The following HK1 variants were observed in gnomAD, a reference collection of about 807,000 sequenced individuals.
HK1 encodes hexokinase-1.
Under a neutral mutation model 91.6 loss-of-function variants are expected in HK1, and 28 were observed. That is an observed-to-expected ratio of 0.31 (90% CI 0.23 to 0.42). The LOEUF is 0.42. Among genes scored for constraint, HK1 ranks in the 10% least tolerant of loss-of-function variants. The pLI, the probability that HK1 is intolerant of heterozygous loss-of-function variation, is 1.00. For synonymous variants in HK1, 430 were observed against 468.1 expected, an observed-to-expected ratio of 0.92 and a Z score of 1.05; for missense variants, 770 against 1,219.8, an observed-to-expected ratio of 0.63 and a Z score of 5.49.
At chr10:69,325,829 C>G (rs1335460696) in intron 1 of HK1, among the ~76,000 whole-genome samples, 1 of 150,038 alleles carries the variant, frequency 6.7e-6, no homozygotes, top group Non-Finnish European at 1.5e-5. Context: ...CAGCTACTGC[C>G]TCTGGACTGC....
chr10:69,312,321 C>T (rs1353000346), upstream of HK1, among the ~76,000 whole-genome samples: 1 of 152,220 alleles, frequency 6.6e-6, no homozygotes, highest in Non-Finnish European at 1.5e-5. Flanking sequence ...ACTGAAATCT[C>T]TGCCTCCCAG....
chr10:69,309,732 C>T (rs960788805), intron 5 of HK1, among the ~76,000 whole-genome samples: 38 of 151,000 alleles, frequency 2.5e-4, no homozygotes, highest in Admixed American at 7.9e-4. Flanking sequence ...ACCCGGGAGG[C>T]GGAAGTTGCA....
At chr10:69,379,785 C>T in intron 8 of HK1, 77 bp from the exon 9 acceptor site, 2 of 1,051,332 alleles carry the variant, frequency 1.9e-6, no homozygotes, top group South Asian at 2.5e-5. Context: ...TGTCCCTTTC[C>T]AGCACCTTTG....
intron 1 of HK1, among the ~76,000 whole-genome samples, chr10:69,333,358 G>C (rs575153892): frequency 1.3e-5 from 2 of 152,328 alleles, no homozygotes; most frequent in African/African-American, 4.8e-5. Context: ...TGTGAGACTG[G>C]AGGTCCAGAG....
rs373553625 is a variant in HK1 at position 69,320,154 on chromosome 10, G to C, written c.63+1144G>C. ...ATAGGAAACAGGCCTACTGAGGGCA[G>C]CGACCTTATCAAGGTCACCCAGTGA... On this transcript the variant is annotated intron_variant, in intron 1 of 17. Coordinates refer to ENST00000359426, the MANE Select transcript of HK1 (RefSeq NM_000188.3). Among the ~76,000 whole-genome samples the C allele has an allele frequency of 5.1e-4, 78 of 152,304 alleles. 1 individual carries two copies. The South Asian group carries it at 0.016, about 30-fold the overall frequency.
intron 3 of HK1, among the ~76,000 whole-genome samples, chr10:69,363,812 A>G (rs1431905070): frequency 3.3e-5 from 5 of 152,210 alleles, no homozygotes; most frequent in African/African-American, 1.2e-4. Context: ...TTTCTAGCAG[A>G]TTCCTAAGAT....
chr10:69,399,963 C>T (rs1281759831), intron 17 of HK1, among the ~76,000 whole-genome samples: 1 of 152,156 alleles, frequency 6.6e-6, no homozygotes. Context: ...CCATCCTCAC[C>T]TCTGTCTCTC....
At chr10:69,297,389 T>C (rs573575424) in intron 4 of HK1, among the ~76,000 whole-genome samples, 1 of 152,098 alleles carries the variant, frequency 6.6e-6, no homozygotes, top group East Asian at 1.9e-4. Flanking sequence ...CAGAAGAAGA[T>C]CCAGGTGTAA....
chr10:69,338,800 G>A (rs1478314045), intron 1 of HK1: 1 of 854,850 alleles, frequency 1.2e-6, no homozygotes, highest in Non-Finnish European at 1.6e-6. Context: ...GAGAGAGAGG[G>A]AAGAGGGGAA....
intron 5 of HK1, among the ~76,000 whole-genome samples, chr10:69,301,275 C>T (rs936870150): frequency 6.7e-6 from 1 of 148,590 alleles, no homozygotes; most frequent in African/African-American, 2.5e-5. Context: ...AATTGTACTT[C>T]TTCTATAAAA....
rs1564557229 is a variant in HK1 at position 69,380,208 on chromosome 10, T to C, written c.1265+113T>C. 1.2e-6 allele frequency: 1 copy of C among 849,944 alleles called. No individual in the cohort carries two copies. The allele number at this position is 849,944 out of a possible 1,614,324, so 52.7% of individuals were successfully genotyped here. A position where few individuals can be genotyped will look rare whatever the true frequency, so the allele number is the denominator to read the frequency against. On this transcript the variant is annotated intron_variant, in intron 9 of 17. Coordinates refer to ENST00000359426, the MANE Select transcript of HK1 (RefSeq NM_000188.3). The surrounding 1 kb of genome is among the most constrained non-coding windows in gnomAD (Gnocchi z 4.0). The stretch of plus-strand genomic sequence containing the variant: ...CGTTTTTCGGCAGACAAGACAATGG[T>C]GGTCGGGGGCTGTGGCTCATGCCTG...
chr10:69,326,074 T>C (rs1174992827), intron 1 of HK1, among the ~76,000 whole-genome samples: 1 of 151,756 alleles, frequency 6.6e-6, no homozygotes, highest in African/African-American at 2.4e-5. Flanking sequence ...GACCTCGTGA[T>C]TCACCCGCCT....
intron 1 of HK1, among the ~76,000 whole-genome samples, chr10:69,282,340 C>T (rs1173822673): frequency 1.3e-5 from 2 of 152,196 alleles, no homozygotes; most frequent in Non-Finnish European, 2.9e-5. Flanking sequence ...GATAAAATAA[C>T]TTCATAACCA....
At position 69,376,637 on chromosome 10, in the gene HK1, C is replaced by G. The variant is rs1374833590; in HGVS notation, c.876-297C>G. On this transcript the variant is annotated intron_variant, in intron 7 of 17. Transcript: ENST00000359426. ...CTGGGGCCTTCTTGACATCTGCAAT[C>G]TAAATCCAAACGCTCCCCCTGCCTT... Among the ~76,000 whole-genome samples the G allele has an allele frequency of 2.0e-5, 3 of 152,210 alleles. No homozygotes were observed. The East Asian group carries it at 5.8e-4, about 29-fold the overall frequency.
chr10:69,307,730 A>G (rs1174297500), intron 5 of HK1, among the ~76,000 whole-genome samples: 2 of 152,258 alleles, frequency 1.3e-5, no homozygotes, highest in African/African-American at 4.8e-5. Flanking sequence ...AATAATTTAG[A>G]ACAATGGTGT....
intron 15 of HK1, among the ~76,000 whole-genome samples, chr10:69,394,152 A>C (rs1840034848): frequency 6.6e-6 from 1 of 152,218 alleles, no homozygotes; most frequent in African/African-American, 2.4e-5. Context: ...GCTTTGGGAC[A>C]CTGGGCTTGG....
intron 16 of HK1, among the ~76,000 whole-genome samples, chr10:69,396,410 A>G (rs761328901): frequency 2.6e-5 from 4 of 152,130 alleles, no homozygotes; most frequent in Admixed American, 6.5e-5. Flanking sequence ...GTACATTCAC[A>G]TAGTCGCACA....
intron 3 of HK1, among the ~76,000 whole-genome samples, chr10:69,295,385 A>G (rs938578342): frequency 6.6e-6 from 1 of 152,220 alleles, no homozygotes; most frequent in Non-Finnish European, 1.5e-5. Context: ...CTTCCAACAC[A>G]GTGCCTGGTA....
chr10:69,294,068 A>C (rs991812574), intron 3 of HK1, among the ~76,000 whole-genome samples: 1 of 151,816 alleles, frequency 6.6e-6, no homozygotes, highest in Non-Finnish European at 1.5e-5. Flanking sequence ...TCACCGTGTT[A>C]GCCAGGATGG....
Sources: allele counts gnomAD v4.1 joint callset (sites outside exome capture counted in the v4.1 genomes callset), GRCh38; gene constraint gnomAD v4.1.1; non-coding constraint Gnocchi (gnomAD v3.1); transcripts MANE v1.5; gene names NCBI Gene and HGNC (gene_info 2026-07-23, HGNC 2026-07-21).